SIPA1L3: variants seen among roughly 807,000 people sequenced by gnomAD.
The protein encoded by SIPA1L3 is signal induced proliferation associated 1 like 3, also known as signal-induced proliferation-associated 1-like protein 3.
In SIPA1L3, 59 loss-of-function variants were observed where a neutral mutation model predicts 150.1. The observed-to-expected ratio is 0.39, with a 90% CI of 0.32 to 0.49. The LOEUF (loss-of-function observed/expected upper bound fraction) is 0.49, where lower values mean the gene tolerates loss of function less well. SIPA1L3 is among the 20% of genes least tolerant of loss of function. The pLI is 0.86. For missense variants in SIPA1L3, 2,211 were observed against 2,489.5 expected, an observed-to-expected ratio of 0.89 and a Z score of 2.38; for synonymous variants, 1,070 against 1,077.6, an observed-to-expected ratio of 0.99 and a Z score of 0.14.
rs10718226 is a variant in SIPA1L3 at position 38,065,411 on chromosome 19, CTTTTT to C, written c.-310-15828_-310-15824del. Among the ~76,000 whole-genome samples, 5 of 122,370 alleles carry C rather than the reference CTTTTT, an allele frequency of 4.1e-5. No individual in the cohort carries two copies. In the East Asian group the frequency reaches 9.7e-4, roughly 24 times the overall value. The allele number at this position is 122,370 out of a possible 152,430, so 80.3% of individuals were successfully genotyped here. On this transcript the variant is annotated intron_variant, in intron 2 of 21. Coordinates refer to ENST00000222345, the MANE Select transcript of SIPA1L3 (RefSeq NM_015073.3). The stretch of plus-strand genomic sequence containing the variant: ...GCTCATGTTTTCCCTCACATGCTGA[CTTTTT>C]TTTTTTTTTTTTTTTTAAGATGGAC...
chr19:38,143,513 ACTCAACAG>A (rs1276147771), intron 12 of SIPA1L3, among the ~76,000 whole-genome samples: 1 of 123,574 alleles, frequency 8.1e-6, no homozygotes, highest in Non-Finnish European at 1.7e-5. Flanking sequence ...TCCACTCAAC[ACTCAACAG>A]CCAGAGGGAT....
chr19:38,129,829 G>A (rs1397271054), intron 9 of SIPA1L3, among the ~76,000 whole-genome samples: 1 of 152,138 alleles, frequency 6.6e-6, no homozygotes, highest in Non-Finnish European at 1.5e-5. Context: ...CACTTTGGGA[G>A]GCTGAGGCAG....
chr19:38,016,335 T>C (rs917401911), intron 1 of SIPA1L3, among the ~76,000 whole-genome samples: 1 of 152,222 alleles, frequency 6.6e-6, no homozygotes, highest in Non-Finnish European at 1.5e-5. Context: ...GCTCTATTTT[T>C]AGTGGACTAT....
At position 38,040,846 on chromosome 19, in the gene SIPA1L3, C is replaced by T. The variant is rs546358225; in HGVS notation, c.-311+11690C>T. Among the ~76,000 whole-genome samples the T allele has an allele frequency of 1.5e-4, 23 of 152,298 alleles. No individual in the cohort carries two copies. The East Asian group carries it at 2.9e-3, about 19-fold the overall frequency. On this transcript the variant is annotated intron_variant, in intron 2 of 21. Transcript: ENST00000222345. ...CTCAATCTCCGCTCACTGCAAGCTC[C>T]GCCTCCTGGGTTCACGCCATTCTCC...
At chr19:38,027,993 T>C (rs897278498) in intron 1 of SIPA1L3, among the ~76,000 whole-genome samples, 1 of 151,946 alleles carries the variant, frequency 6.6e-6, no homozygotes, top group Non-Finnish European at 1.5e-5. Context: ...AGCCGGCACA[T>C]TGGGAGGGAT....
chr19:38,023,354 C>T (rs1177153578), intron 1 of SIPA1L3, among the ~76,000 whole-genome samples: 1 of 152,162 alleles, frequency 6.6e-6, no homozygotes, highest in African/African-American at 2.4e-5. Context: ...GCAAAAGAAC[C>T]AGCGCTAAAT....
intron 1 of SIPA1L3, among the ~76,000 whole-genome samples, chr19:37,967,785 G>A (rs1312001437): frequency 6.6e-6 from 1 of 152,028 alleles, no homozygotes; most frequent in African/African-American, 2.4e-5. Flanking sequence ...AAAAAAAAAA[G>A]TTATTTATTT....
chr19:38,123,266 TTTTTTTG>T (rs1386091432), intron 9 of SIPA1L3, among the ~76,000 whole-genome samples: 12 of 109,574 alleles, frequency 1.1e-4, no homozygotes, highest in Admixed American at 3.7e-4. Context: ...TTTTTTTTGT[TTTTTTTG>T]TTTTTTTTTT....
At chr19:38,156,037 C>T (rs1285060101) in intron 13 of SIPA1L3, among the ~76,000 whole-genome samples, 4 of 151,662 alleles carry the variant, frequency 2.6e-5, no homozygotes, top group African/African-American at 4.9e-5. Flanking sequence ...GCTGAGATCG[C>T]GCCGTTCCAC....
chr19:37,957,550 CT>C (rs1002105547), intron 1 of SIPA1L3, among the ~76,000 whole-genome samples: 1 of 148,736 alleles, frequency 6.7e-6, no homozygotes, highest in African/African-American at 2.5e-5. Flanking sequence ...ATTTTTTTTT[CT>C]TTTTTTTCTT....
intron 2 of SIPA1L3, among the ~76,000 whole-genome samples, chr19:38,074,020 T>C (rs868276179): frequency 6.6e-6 from 1 of 152,202 alleles, no homozygotes; most frequent in Non-Finnish European, 1.5e-5. Context: ...CACACGAGGA[T>C]TGAGCCCAGG....
intron 12 of SIPA1L3, among the ~76,000 whole-genome samples, chr19:38,145,387 G>T (rs1038621695): frequency 1.3e-5 from 2 of 151,962 alleles, no homozygotes; most frequent in African/African-American, 2.4e-5. Flanking sequence ...CAAAAAATTA[G>T]CTGGGTGTGG....
chr19:38,045,308 C>T (rs1004446911), intron 2 of SIPA1L3, among the ~76,000 whole-genome samples: 6 of 151,528 alleles, frequency 4.0e-5, no homozygotes, highest in Non-Finnish European at 7.4e-5. Flanking sequence ...ACCCGGGAGG[C>T]GGAAGGTTGC....
Position 38,163,685 on chromosome 19 carries a change from A to G in SIPA1L3, c.3781-794A>G, listed in dbSNP as rs1203067042. 3.8e-4 allele frequency among the ~76,000 whole-genome samples: 57 copies of G among 151,994 alleles called. 1 individual carries two copies. ...GGGAGCAGCAGGCGCAGAGGCCCTG[A>G]CGGGGAGTGCCCAGTATGTTCCGAG... On this transcript the variant is annotated intron_variant, in intron 14 of 21. Coordinates refer to ENST00000222345, the MANE Select transcript of SIPA1L3 (RefSeq NM_015073.3).
rs531227976 is a variant in SIPA1L3 at position 38,194,764 on chromosome 19, C to A, written c.4840+984C>A. ...GTCTGTCTCCCCTATTAAAACTCCC[C>A]TGCAGGCCGGGCGCGGTGGCTCACG... On this transcript the variant is annotated intron_variant, in intron 18 of 21. Coordinates refer to ENST00000222345, the MANE Select transcript of SIPA1L3 (RefSeq NM_015073.3). 3.0e-4 allele frequency among the ~76,000 whole-genome samples: 45 copies of A among 152,180 alleles called. 1 individual carries two copies. The highest frequency in any genetic ancestry group is 1.1e-3 in the African/African-American group (45 of 41,528).
rs1345338369 is a variant in SIPA1L3 at position 38,142,558 on chromosome 19, CCT to C, written c.3396-14_3396-13del. ...TACTCACCCTCTGCCTCCTTCCTCC[CCT>C]GTCTCCTTCTAGGCCTGTCAGCTTC... On this transcript the variant is annotated splice_polypyrimidine_tract_variant and intron_variant, in intron 11 of 21. Transcript: ENST00000222345. 1.3e-6 allele frequency: 2 copies of C among 1,598,198 alleles called. No homozygotes were observed. The highest frequency in any genetic ancestry group is 1.7e-5 in the Admixed American group (1 of 59,302).
At chr19:37,983,905 CAAA>C (rs397859822) in intron 1 of SIPA1L3, among the ~76,000 whole-genome samples, 11 of 75,866 alleles carry the variant, frequency 1.4e-4, no homozygotes, top group Admixed American at 4.5e-4. Flanking sequence ...GACCCCATCT[CAAA>C]AAAAAAAAAA....
intron 16 of SIPA1L3, chr19:38,185,824 A>T (rs748331498): frequency 6.6e-6 from 1 of 152,102 alleles, no homozygotes; most frequent in African/African-American, 2.4e-5. Context: ...TTGCCTCTGT[A>T]AAGACTCTGT....
At chr19:38,025,219 G>A (rs1421398055) in intron 1 of SIPA1L3, among the ~76,000 whole-genome samples, 1 of 152,208 alleles carries the variant, frequency 6.6e-6, no homozygotes, top group Non-Finnish European at 1.5e-5. Context: ...AGGCCAGGAC[G>A]CCTTTCCCCC....
Sources: gnomAD v4.1 joint callset for allele counts (sites outside exome capture counted in the v4.1 genomes callset) on GRCh38, gnomAD v4.1.1 for gene constraint, MANE v1.5 for transcripts, NCBI Gene and HGNC (gene_info 2026-07-23, HGNC 2026-07-21) for gene names.